The following GAREM1 variants were observed in gnomAD, a reference collection of about 807,000 sequenced individuals.
The protein encoded by GAREM1 is GRB2-associated and regulator of MAPK protein 1.
A neutral mutation model predicts 71.3 loss-of-function variants in GAREM1; 26 were observed. That is an observed-to-expected ratio of 0.36 (90% CI 0.27 to 0.51). The LOEUF (loss-of-function observed/expected upper bound fraction) is 0.51, where lower values mean the gene tolerates loss of function less well. Ranked by LOEUF, GAREM1 falls within the 20% of genes least tolerant of loss-of-function variation. The pLI, the probability that GAREM1 is intolerant of heterozygous loss-of-function variation, is 0.95. For missense variants in GAREM1, 1,026 were observed against 1,103.1 expected (o/e 0.93, Z 0.99); for synonymous variants, 440 against 433.2 (o/e 1.02, Z -0.20).
intron 3 of GAREM1, among the ~76,000 whole-genome samples, chr18:32,305,600 A>G (rs185696302): frequency 2.3e-4 from 35 of 152,224 alleles, no homozygotes; most frequent in African/African-American, 8.4e-4. Context: ...GCTCACTGGA[A>G]CCTCTGCCTC....
chr18:32,413,717 G>A (rs1319066359), intron 1 of GAREM1, among the ~76,000 whole-genome samples: 1 of 151,950 alleles, frequency 6.6e-6, no homozygotes, highest in Non-Finnish European at 1.5e-5. Flanking sequence ...TCTTAAAATT[G>A]AACTGGAAAA....
At chr18:32,420,755 G>GAAAAAA (rs10683034) in intron 1 of GAREM1, among the ~76,000 whole-genome samples, 8,750 of 122,882 alleles carry the variant, frequency 0.071, 294 homozygotes, top group African/African-American at 0.094. Context: ...CTTCAAAAAT[G>GAAAAAA]AAAAAAAAAA....
At chr18:32,288,233 C>A (rs1437622625) in intron 3 of GAREM1, 30 bp from the exon 4 acceptor site, 4 of 1,528,098 alleles carry the variant, frequency 2.6e-6, no homozygotes, top group African/African-American at 1.4e-5. Context: ...ATTTTACGTT[C>A]ATTTCCTTTG....
intron 1 of GAREM1, among the ~76,000 whole-genome samples, chr18:32,399,904 G>A (rs1342896522): frequency 5.3e-5 from 8 of 152,054 alleles, no homozygotes; most frequent in East Asian, 1.9e-4. Flanking sequence ...GAGGCATCAC[G>A]CTACCTGACT....
chr18:32,275,937 A>C (rs2041536370), intron 4 of GAREM1, among the ~76,000 whole-genome samples: 1 of 152,134 alleles, frequency 6.6e-6, no homozygotes, highest in African/African-American at 2.4e-5. Context: ...GGCCTCCCAA[A>C]GTGCTGGGAT....
intron 1 of GAREM1, among the ~76,000 whole-genome samples, chr18:32,453,608 T>C (rs537509260): frequency 2.6e-5 from 4 of 152,292 alleles, no homozygotes; most frequent in Middle Eastern, 6.8e-3. Context: ...TCTGTTTGTC[T>C]TTCTCTCATA....
chr18:32,403,032 C>T (rs917272138), intron 1 of GAREM1, among the ~76,000 whole-genome samples: 4 of 152,130 alleles, frequency 2.6e-5, no homozygotes, highest in African/African-American at 9.7e-5. Context: ...ATTCTCGTGC[C>T]TCAGCCTCCT....
chr18:32,428,513 CTCTT>C (rs2048595551), intron 1 of GAREM1, among the ~76,000 whole-genome samples: 1 of 152,170 alleles, frequency 6.6e-6, no homozygotes. Context: ...TCCCCTCTCT[CTCTT>C]CCTCCTGCTC....
At chr18:32,423,529 T>C (rs917079452) in intron 1 of GAREM1, among the ~76,000 whole-genome samples, 7 of 152,178 alleles carry the variant, frequency 4.6e-5, no homozygotes, top group African/African-American at 1.7e-4. Flanking sequence ...TTAGGTCTTA[T>C]TTGATTATGC....
Position 32,447,759 on chromosome 18 carries a change from C to T in GAREM1, c.121+22549G>A, listed in dbSNP as rs78698243. Among the ~76,000 whole-genome samples the T allele has an allele frequency of 3.1e-3, 478 of 152,172 alleles. 4 individuals are homozygous for T. The highest frequency in any genetic ancestry group is 0.011 in the African/African-American group (453 of 41,526). ...GATAGGGACCTTATACTTCCCCATCCGCTTTGCACATCATAGGCATGTTCA... is the reference window on the plus strand; with the variant it reads ...GATAGGGACCTTATACTTCCCCATCTGCTTTGCACATCATAGGCATGTTCA... On this transcript the variant is annotated intron_variant, in intron 1 of 5. Coordinates refer to ENST00000269209, the MANE Select transcript of GAREM1 (RefSeq NM_001242409.2).
At chr18:32,374,937 C>T (rs1203017808) in intron 2 of GAREM1, among the ~76,000 whole-genome samples, 1 of 152,118 alleles carries the variant, frequency 6.6e-6, no homozygotes, top group Non-Finnish European at 1.5e-5. Flanking sequence ...AGAAAAGGCC[C>T]TTTCAACAGG....
At chr18:32,347,193 T>C (rs1337103255) in intron 2 of GAREM1, among the ~76,000 whole-genome samples, 1 of 152,154 alleles carries the variant, frequency 6.6e-6, no homozygotes, top group Non-Finnish European at 1.5e-5. Flanking sequence ...ATTAAAGTCT[T>C]AGTAACAATA....
chr18:32,307,128 C>T (rs898931981), intron 3 of GAREM1, among the ~76,000 whole-genome samples: 3 of 152,076 alleles, frequency 2.0e-5, no homozygotes, highest in Admixed American at 6.5e-5. Context: ...TTTTCTAATA[C>T]TTTTGCTTTA....
intron 2 of GAREM1, among the ~76,000 whole-genome samples, chr18:32,335,360 G>C (rs1042697133): frequency 2.0e-5 from 3 of 152,144 alleles, no homozygotes; most frequent in African/African-American, 7.2e-5. Context: ...ACACGGTTCT[G>C]TGTGCACATG....
At chr18:32,315,247 G>C (rs1206939364) in intron 2 of GAREM1, among the ~76,000 whole-genome samples, 1 of 151,760 alleles carries the variant, frequency 6.6e-6, no homozygotes, top group African/African-American at 2.4e-5. Context: ...CTATCTAGCA[G>C]ATATAGATAC....
intron 1 of GAREM1, among the ~76,000 whole-genome samples, chr18:32,395,732 T>C (rs2048247500): frequency 3.3e-5 from 5 of 152,070 alleles, no homozygotes; most frequent in Admixed American, 6.5e-5. Context: ...GCACCACCTA[T>C]GGGGGCAGGG....
At position 32,267,702 on chromosome 18, in the gene GAREM1, C is replaced by T. The variant is rs1191158734; in HGVS notation, c.*169G>A. Reference sequence around the variant, plus strand: ...TCTGTACAGCATTTTTATTGATGTACAAAATAGCCTGTTCACCATTCAAAA... The same window carrying T: ...TCTGTACAGCATTTTTATTGATGTATAAAATAGCCTGTTCACCATTCAAAA... On this transcript the variant is annotated 3_prime_UTR_variant, in exon 6 of 6. Coordinates refer to ENST00000269209, the MANE Select transcript of GAREM1 (RefSeq NM_001242409.2). 4 of 594,564 alleles carry T rather than the reference C, an allele frequency of 6.7e-6. No individual in the cohort carries two copies. The Admixed American group carries it at 1.2e-4, about 18-fold the overall frequency. The allele number at this position is 594,564 out of a possible 1,614,324, so 36.8% of individuals were successfully genotyped here.
chr18:32,427,541 A>G (rs1232160995), intron 1 of GAREM1, among the ~76,000 whole-genome samples: 1 of 152,164 alleles, frequency 6.6e-6, no homozygotes, highest in Non-Finnish European at 1.5e-5. Context: ...TATCACCACT[A>G]TCAGAAGCAT....
intron 2 of GAREM1, among the ~76,000 whole-genome samples, chr18:32,381,796 G>T (rs769545463): frequency 4.6e-5 from 7 of 152,178 alleles, no homozygotes; most frequent in Non-Finnish European, 1.0e-4. Context: ...TCCAAACTAG[G>T]TTTCTAACTT....
Sources: gnomAD v4.1 joint callset for allele counts (sites outside exome capture counted in the v4.1 genomes callset) on GRCh38, gnomAD v4.1.1 for gene constraint, MANE v1.5 for transcripts, NCBI Gene and HGNC (gene_info 2026-07-23, HGNC 2026-07-21) for gene names.